Variants in PPM1H observed in about 807,000 individuals in gnomAD.
The protein encoded by PPM1H is protein phosphatase 1H.
PPM1H carries 27 observed loss-of-function variants against 54.9 expected under a neutral mutation model. The ratio of observed to expected loss-of-function variants is 0.49; its 90% CI spans 0.36 to 0.68. The LOEUF (loss-of-function observed/expected upper bound fraction) is 0.68. Ranked by LOEUF, PPM1H falls within the 30% of genes least tolerant of loss-of-function variation. PPM1H has a pLI of 0.00. For missense variants in PPM1H, 596 were observed against 667.8 expected (o/e 0.89, Z 1.19); for synonymous variants, 305 against 270.8 (o/e 1.13, Z -1.24).
rs7133751 is a variant in PPM1H, at chr12:62,843,303, G to T, written c.246-11024C>A. 2.1e-3 allele frequency among the ~76,000 whole-genome samples: 318 copies of T among 152,114 alleles called. 2 individuals carry two copies. The highest frequency in any genetic ancestry group is 5.7e-3 in the African/African-American group (237 of 41,460). On this transcript the variant is annotated intron_variant, in intron 1 of 9. Coordinates refer to ENST00000228705, the MANE Select transcript of PPM1H (RefSeq NM_020700.2). ...CTGCACTCCAGCCTAGGCAACAGAGGGAGAATCTGTCTCAAAAAAACAAAC... is the reference window on the plus strand; with the variant it reads ...CTGCACTCCAGCCTAGGCAACAGAGTGAGAATCTGTCTCAAAAAAACAAAC...
At chr12:62,689,891 CCAAA>C (rs1365201531) in intron 7 of PPM1H, 85 bp from the exon 8 acceptor site, 2 of 921,204 alleles carry the variant, frequency 2.2e-6, no homozygotes, top group Non-Finnish European at 3.4e-6. Flanking sequence ...CTAGGAACAA[CCAAA>C]CAATTTTCCA....
chr12:62,720,404 T>C lies in PPM1H; in HGVS notation c.955-115A>G, dbSNP rs117069264. The C allele has an allele frequency of 1.6e-4, 113 of 707,918 alleles. No homozygotes were observed. The East Asian group carries it at 2.7e-3, about 17-fold the overall frequency. 43.9% of individuals were successfully genotyped at this position (707,918 alleles called of 1,614,324 possible). On this transcript the variant is annotated intron_variant, in intron 5 of 9. Coordinates refer to ENST00000228705, the MANE Select transcript of PPM1H (RefSeq NM_020700.2). ...GGCCATATTTTAAAAACAAGAAAAT[T>C]GCCTCATATTTTAAGTAAATAGATT... is the stretch of plus-strand genomic sequence containing the variant.
intron 4 of PPM1H, among the ~76,000 whole-genome samples, chr12:62,769,711 A>G (rs1169821955): frequency 6.6e-6 from 1 of 152,190 alleles, no homozygotes; most frequent in African/African-American, 2.4e-5. Flanking sequence ...ACATGTCTCA[A>G]TTGATTTAAA....
intron 7 of PPM1H, among the ~76,000 whole-genome samples, chr12:62,693,114 T>G (rs939409319): frequency 2.0e-5 from 3 of 152,188 alleles, no homozygotes; most frequent in Admixed American, 6.5e-5. Context: ...CGAGTTGAAA[T>G]GTATTAGTGT....
chr12:62,772,976 T>C (rs1168976123), intron 4 of PPM1H, among the ~76,000 whole-genome samples: 3 of 151,812 alleles, frequency 2.0e-5, no homozygotes, highest in Admixed American at 2.0e-4. Context: ...GGTGAAACCC[T>C]GTCTCTACTA....
At chr12:62,819,444 C>A (rs1369165637) in intron 2 of PPM1H, among the ~76,000 whole-genome samples, 1 of 152,150 alleles carries the variant, frequency 6.6e-6, no homozygotes. Context: ...GCTTTCTTAA[C>A]CCCAAAGGAG....
intron 4 of PPM1H, among the ~76,000 whole-genome samples, chr12:62,744,977 C>T (rs1261508051): frequency 6.6e-6 from 1 of 152,218 alleles, no homozygotes; most frequent in Admixed American, 6.5e-5. Context: ...CAGACCTTCA[C>T]CTGGTGCCGT....
At chr12:62,726,643 T>C (rs2076291150) in intron 5 of PPM1H, among the ~76,000 whole-genome samples, 1 of 152,242 alleles carries the variant, frequency 6.6e-6, no homozygotes, top group African/African-American at 2.4e-5. Context: ...CAGATTCCCA[T>C]CAGGCCAGCG....
intron 1 of PPM1H, among the ~76,000 whole-genome samples, chr12:62,909,770 T>C (rs1291776315): frequency 6.6e-6 from 1 of 152,218 alleles, no homozygotes; most frequent in Non-Finnish European, 1.5e-5. Flanking sequence ...ATAGAGGCTG[T>C]CTGTGGGCAG....
intron 4 of PPM1H, among the ~76,000 whole-genome samples, chr12:62,775,216 T>C (rs2076603110): frequency 6.6e-6 from 1 of 152,164 alleles, no homozygotes; most frequent in Admixed American, 6.5e-5. Context: ...TTATTATATA[T>C]GTTGGCAAAG....
chr12:62,654,026 C>CGG (rs2075830118), intron 9 of PPM1H, among the ~76,000 whole-genome samples: 1 of 151,774 alleles, frequency 6.6e-6, no homozygotes. Flanking sequence ...TGGATTAACT[C>CGG]GGGCCCAGGA....
Position 62,753,759 on chromosome 12 carries a change from C to G in PPM1H, c.870-16173G>C, listed in dbSNP as rs541472048. On this transcript the variant is annotated intron_variant, in intron 4 of 9. Transcript: ENST00000228705. Reference sequence around the variant, plus strand: ...TGGGAGAATGCCAGGTTCTCTCCCCCTCTCTCTGGCTTTCTCCATTCTGGT... The same window carrying G: ...TGGGAGAATGCCAGGTTCTCTCCCCGTCTCTCTGGCTTTCTCCATTCTGGT... 1.1e-4 allele frequency among the ~76,000 whole-genome samples: 16 copies of G among 152,100 alleles called. No homozygotes were observed. The East Asian group carries it at 2.3e-3, about 22-fold the overall frequency.
intron 6 of PPM1H, among the ~76,000 whole-genome samples, chr12:62,696,001 G>A (rs561176374): frequency 1.2e-4 from 19 of 152,038 alleles, no homozygotes; most frequent in African/African-American, 4.6e-4. Flanking sequence ...TGGTGTAGAA[G>A]AGTTGGGTCT....
chr12:62,748,351 G>T (rs963615997), intron 4 of PPM1H, among the ~76,000 whole-genome samples: 4 of 152,214 alleles, frequency 2.6e-5, no homozygotes, highest in African/African-American at 9.6e-5. Context: ...TTATACCTTG[G>T]TTTCTTCTCT....
chr12:62,744,110 C>T (rs896460628), intron 4 of PPM1H, among the ~76,000 whole-genome samples: 9 of 144,620 alleles, frequency 6.2e-5, no homozygotes, highest in African/African-American at 2.0e-4. Context: ...GAATGTCTGT[C>T]AAAAGGGGAA....
At chr12:62,841,861 C>T (rs556602956) in intron 1 of PPM1H, among the ~76,000 whole-genome samples, 28 of 152,268 alleles carry the variant, frequency 1.8e-4, no homozygotes, top group Admixed American at 1.7e-3. Context: ...GATTTCCCCC[C>T]ATAAATATCA....
chr12:62,745,708 T>A (rs1177815471), intron 4 of PPM1H, among the ~76,000 whole-genome samples: 1 of 152,222 alleles, frequency 6.6e-6, no homozygotes, highest in Non-Finnish European at 1.5e-5. Flanking sequence ...TGGTTAAGCC[T>A]AAAACTGTCT....
intron 1 of PPM1H, among the ~76,000 whole-genome samples, chr12:62,889,506 A>AAT (rs1269089589): frequency 2.6e-5 from 4 of 152,036 alleles, no homozygotes; most frequent in East Asian, 1.9e-4. Context: ...AAATTTAAAA[A>AAT]ATATATATAT....
rs527558206 is a variant in PPM1H at position 62,851,651 on chromosome 12, C to A, written c.246-19372G>T. Among the ~76,000 whole-genome samples the A allele has an allele frequency of 1.4e-4, 21 of 151,930 alleles. 1 individual carries two copies. The highest frequency in any genetic ancestry group is 3.4e-4 in the African/African-American group (14 of 41,424). ...CCGGGGGGTGAAGGTTGCCATGAGCCGAGATCGTGCCATTGCCCTCCAGCC... is the reference window on the plus strand; with the variant it reads ...CCGGGGGGTGAAGGTTGCCATGAGCAGAGATCGTGCCATTGCCCTCCAGCC... On this transcript the variant is annotated intron_variant, in intron 1 of 9. Coordinates refer to ENST00000228705, the MANE Select transcript of PPM1H (RefSeq NM_020700.2).
Sources: gnomAD v4.1 joint callset for allele counts (sites outside exome capture counted in the v4.1 genomes callset) on GRCh38, gnomAD v4.1.1 for gene constraint, MANE v1.5 for transcripts, NCBI Gene and HGNC (gene_info 2026-07-23, HGNC 2026-07-21) for gene names.